Variants in PLEC observed in about 807,000 individuals in gnomAD.
The protein encoded by PLEC is hemidesmosomal protein 1.
PLEC carries 216 observed loss-of-function variants against 392.8 expected under a neutral mutation model. The ratio of observed to expected loss-of-function variants is 0.55; its 90% CI spans 0.49 to 0.62. The LOEUF (loss-of-function observed/expected upper bound fraction) is 0.62. PLEC is among the 20% of genes least tolerant of loss of function. The probability of loss-of-function intolerance (pLI) is 0.00; values close to 1 mark genes in which losing one functional copy is unlikely to be tolerated. For synonymous variants in PLEC, 3,621 were observed against 2,980.6 expected (o/e 1.21, Z -7.00); for missense variants, 6,863 against 6,563.4 (o/e 1.05, Z -1.58).
At chr8:143,934,205 GGC>G in intron 11 of PLEC, 111 bp downstream of exon 11, 1 of 1,593,006 alleles carries the variant, frequency 6.3e-7, no homozygotes, top group Non-Finnish European at 8.6e-7. Context: ...ACTGTCCTAA[GGC>G]GAGTGGGAGC....
At chr8:143,966,185 C>T (rs1554742174) in intron 1 of PLEC, among the ~76,000 whole-genome samples, 1 of 152,220 alleles carries the variant, frequency 6.6e-6, no homozygotes, top group African/African-American at 2.4e-5. Flanking sequence ...TCCTCACGCC[C>T]CTTCCTCCTT....
Position 143,932,124 on chromosome 8 carries a change from C to G in PLEC, c.2082+6G>C, listed in dbSNP as rs782596727. 6.2e-7 allele frequency: 1 copy of G among 1,609,032 alleles called. No individual in the cohort carries two copies. Among genetic ancestry groups the G allele is most frequent in the Non-Finnish European group, 8.5e-7 (1 of 1,178,890 alleles). On this transcript the variant is annotated splice_donor_region_variant and intron_variant, in intron 17 of 31. Transcript: ENST00000345136. ...CGCAGCCCCGCCCCTACCCAGGGAG[C>G]CCCACCTCCACCGTGGGCCGGGCCG...
chr8:143,948,310 G>C (rs950882675), intron 1 of PLEC, among the ~76,000 whole-genome samples: 10 of 152,246 alleles, frequency 6.6e-5, no homozygotes, highest in African/African-American at 2.4e-4. Flanking sequence ...GCCAACCCAC[G>C]GAGCGGCTGT....
chr8:143,971,563 C>T (rs1448148275), intron 1 of PLEC, among the ~76,000 whole-genome samples: 2 of 152,158 alleles, frequency 1.3e-5, no homozygotes, highest in African/African-American at 4.8e-5. Flanking sequence ...CACCTCTGAC[C>T]TCCTGCAGGC....
chr8:143,952,216 A>G (rs1277092212), upstream of PLEC, among the ~76,000 whole-genome samples: 100 of 96,642 alleles, frequency 1.0e-3, 1 homozygote, highest in East Asian at 8.4e-3. Flanking sequence ...ACACGCGCGC[A>G]CACACGCACG....
rs199938048 is a variant in PLEC at position 143,930,212 on chromosome 8, C to T, written c.2544G>A (p.Glu848=). 7.4e-4 allele frequency: 1,164 copies of T among 1,583,050 alleles called. 12 individuals are homozygous for T. Among genetic ancestry groups the T allele is most frequent in the Non-Finnish European group, 8.5e-5 (100 of 1,170,738 alleles). ...HWKVLSSSGS[E]AAVPSVCFLV... ...GGAAGCACACGGAGGGCACGGCGGC[C>T]TCGCTGCCGGAGCTGCTGAGCACCT... Residue 848 remains glutamate (E), a synonymous_variant, in exon 21 of 32, where the codon GAG becomes GAA. Coordinates refer to ENST00000345136, the MANE Select transcript of PLEC (RefSeq NM_201384.3).
At chr8:143,954,037 C>A, upstream of PLEC, 2 of 797,030 alleles carry the variant, frequency 2.5e-6, no homozygotes, top group Middle Eastern at 4.0e-4. The surrounding 1 kb of genome is among the most constrained non-coding windows in gnomAD (Gnocchi z 4.6). Flanking sequence ...GCCAGGTCAC[C>A]AGGCCGGATC....
chr8:143,929,049 C>G, intron 25 of PLEC, 54 bp downstream of exon 25: 1 of 1,492,388 alleles, frequency 6.7e-7, no homozygotes, highest in Non-Finnish European at 9.1e-7. Flanking sequence ...ACAGCCCTCA[C>G]CCCAGCACCC....
chr8:143,931,144 G>A (rs1421795485), intron 19 of PLEC, among the ~76,000 whole-genome samples: 12 of 152,104 alleles, frequency 7.9e-5, no homozygotes, highest in African/African-American at 2.2e-4. Flanking sequence ...AAGGGCTGGC[G>A]GTGCCCCTTC....
chr8:143,924,079 G>A lies in PLEC; in HGVS notation c.5850C>T (p.Arg1950=), dbSNP rs782025214. 5 of 1,597,776 alleles carry A rather than the reference G, an allele frequency of 3.1e-6. No individual in the cohort carries two copies. In the African/African-American group the frequency reaches 6.7e-5, roughly 21 times the overall value. Residue 1950 remains arginine, a synonymous_variant, in exon 31 of 32, where the codon CGC becomes CGT. Transcript: ENST00000345136. ...GKAELELELG[R]IRSNAEDTLR... ...GCGTGTCCTCCGCGTTGCTGCGGAT[G>A]CGTCCCAGCTCCAGCTCCAGCTCCG...
intron 30 of PLEC, 48 bp downstream of exon 30, chr8:143,926,736 G>A: frequency 6.9e-7 from 1 of 1,459,596 alleles, no homozygotes; most frequent in Non-Finnish European, 9.6e-7. Flanking sequence ...GGACACAACA[G>A]GTGGTGAGAT....
At chr8:143,945,238 C>T in intron 1 of PLEC, 1 of 489,500 alleles carries the variant, frequency 2.0e-6, no homozygotes, top group Non-Finnish European at 4.1e-6. Context: ...CAGCCCGAAA[C>T]CAGGGCTCAG....
At chr8:143,937,673 C>T (rs1363506682) in intron 3 of PLEC, 1 of 490,066 alleles carries the variant, frequency 2.0e-6, no homozygotes, top group Non-Finnish European at 4.0e-6. Context: ...CGACGGGCCA[C>T]CAGCCCCCAG....
Position 143,934,101 on chromosome 8 carries a change from C to G in PLEC, c.1170-10G>C. On this transcript the variant is annotated splice_polypyrimidine_tract_variant and intron_variant, in intron 11 of 31. Coordinates refer to ENST00000345136, the MANE Select transcript of PLEC (RefSeq NM_201384.3). ...CTGAAGACACTCCAGCCTGCAGCAGCAGCACAGGGAAGGGGCCGCGTTGGC... is the reference window on the plus strand; with the variant it reads ...CTGAAGACACTCCAGCCTGCAGCAGGAGCACAGGGAAGGGGCCGCGTTGGC... 1 of 1,610,678 alleles carries G rather than the reference C, an allele frequency of 6.2e-7. No homozygotes were observed. Among genetic ancestry groups the G allele is most frequent in the Non-Finnish European group, 8.5e-7 (1 of 1,179,020 alleles).
rs868912390 is a variant in PLEC at position 143,922,879 on chromosome 8, C to T, written c.7050G>A (p.Lys2350=). 2.5e-6 allele frequency: 4 copies of T among 1,582,948 alleles called. No individual in the cohort carries two copies. The highest frequency in any genetic ancestry group is 2.7e-5 in the African/African-American group (2 of 74,152). The change falls in exon 31 of 32, where the codon AAG becomes AAA. Residue 2350 remains lysine (K), a synonymous_variant. Coordinates refer to ENST00000345136, the MANE Select transcript of PLEC (RefSeq NM_201384.3). ...QEQARRLQED[K]EQMAQQLAEE... The stretch of plus-strand genomic sequence containing the variant: ...CCGCCAGCTGCTGCGCCATCTGCTC[C>T]TTGTCCTCCTGCAGCCGCCGCGCCT...
upstream of PLEC, among the ~76,000 whole-genome samples, chr8:143,944,267 C>T (rs782038028): frequency 1.3e-5 from 2 of 152,206 alleles, no homozygotes; most frequent in Non-Finnish European, 2.9e-5. Flanking sequence ...CAGCACTGCC[C>T]GCGGCCTCGG....
chr8:143,919,605 G>A lies in PLEC; in HGVS notation c.10216C>T (p.Arg3406Cys), dbSNP rs781882032. Reference protein sequence around the residue: ...GFLVDPVRNQRLYVHEAVKAG... With the variant: ...GFLVDPVRNQCLYVHEAVKAG... Reference sequence around the variant, plus strand: ...TTCACGGCCTCGTGGACATACAGGCGCTGGTTCCGCACGGGGTCCACCAGG... The same window carrying A: ...TTCACGGCCTCGTGGACATACAGGCACTGGTTCCGCACGGGGTCCACCAGG... The change falls in exon 32 of 32, where the codon CGC becomes TGC. Residue 3406 changes from arginine (R) to cysteine (C), a missense_variant. Arg to Cys is a radical substitution (Grantham distance 180, BLOSUM62 -3). Transcript: ENST00000345136. The A allele has an allele frequency of 2.8e-5, 44 of 1,590,604 alleles. 1 individual carries two copies. The highest frequency in any genetic ancestry group is 1.6e-4 in the African/African-American group (12 of 74,432).
chr8:143,943,098 A>G (rs1830809227), upstream of PLEC, among the ~76,000 whole-genome samples: 2 of 152,168 alleles, frequency 1.3e-5, no homozygotes, highest in South Asian at 2.1e-4. Context: ...CGCCACGCCT[A>G]GAAGCCCCAT....
chr8:143,951,073 C>G (rs1832098258), upstream of PLEC, among the ~76,000 whole-genome samples: 1 of 152,190 alleles, frequency 6.6e-6, no homozygotes, highest in Non-Finnish European at 1.5e-5. Context: ...CTGCCCCTTT[C>G]CCCCCACCAG....
Sources: gnomAD v4.1 joint callset for allele counts (sites outside exome capture counted in the v4.1 genomes callset) on GRCh38, gnomAD v4.1.1 for gene constraint, Gnocchi (gnomAD v3.1) non-coding constraint, MANE v1.5 for transcripts, NCBI Gene and HGNC (gene_info 2026-07-23, HGNC 2026-07-21) for gene names.